AK4: variants seen among roughly 807,000 people sequenced by gnomAD.
AK4 encodes adenylate kinase 4, mitochondrial.
A neutral mutation model predicts 24.6 loss-of-function variants in AK4; 13 were observed. That is an observed-to-expected ratio of 0.53 (90% CI 0.34 to 0.84). The LOEUF is 0.84. AK4 is among the 40% of genes least tolerant of loss of function. The pLI is 0.01. For synonymous variants in AK4, 88 were observed against 107.0 expected (o/e 0.82, Z 1.10); for missense variants, 192 against 288.2 (o/e 0.67, Z 2.42).
At chr1:65,196,909 G>A (rs1400100297) in intron 2 of AK4, among the ~76,000 whole-genome samples, 3 of 152,170 alleles carry the variant, frequency 2.0e-5, no homozygotes, top group South Asian at 2.1e-4. Flanking sequence ...CCTCACAATC[G>A]TGGCAGAAGG....
intron 2 of AK4, among the ~76,000 whole-genome samples, chr1:65,206,577 G>A (rs890348614): frequency 4.6e-5 from 7 of 152,334 alleles, no homozygotes; most frequent in African/African-American, 1.7e-4. Context: ...GCGTGTGCGT[G>A]TGTGCACGTG....
At chr1:65,162,896 A>G (rs1469346585) in intron 1 of AK4, among the ~76,000 whole-genome samples, 1 of 152,154 alleles carries the variant, frequency 6.6e-6, no homozygotes, top group African/African-American at 2.4e-5. Flanking sequence ...ATGTTAATAT[A>G]TGTGACTTTT....
chr1:65,153,514 G>C (rs537926089), intron 1 of AK4, among the ~76,000 whole-genome samples: 76 of 152,176 alleles, frequency 5.0e-4, no homozygotes, highest in African/African-American at 1.7e-3. Context: ...CAGGCAGTCT[G>C]CCCGCCTCGG....
chr1:65,216,258 T>TA (rs1652127472), intron 2 of AK4, among the ~76,000 whole-genome samples: 1 of 151,878 alleles, frequency 6.6e-6, no homozygotes, highest in African/African-American at 2.4e-5. Flanking sequence ...TCAGCCTCCC[T>TA]AGTGGCTGGG....
intron 1 of AK4, among the ~76,000 whole-genome samples, chr1:65,189,868 C>T (rs1651235983): frequency 6.6e-6 from 1 of 152,218 alleles, no homozygotes; most frequent in African/African-American, 2.4e-5. Context: ...CCACTAACAA[C>T]ACTCAGCTGC....
intron 1 of AK4, among the ~76,000 whole-genome samples, chr1:65,187,319 G>C (rs1651132907): frequency 6.8e-6 from 1 of 146,602 alleles, no homozygotes; most frequent in East Asian, 2.0e-4. Flanking sequence ...CTGCACTCCA[G>C]CGTGGGTGAC....
intron 2 of AK4, among the ~76,000 whole-genome samples, chr1:65,191,547 T>C (rs926707422): frequency 6.9e-6 from 1 of 145,016 alleles, no homozygotes; most frequent in Non-Finnish European, 1.5e-5. Flanking sequence ...GGAAGGTAGG[T>C]TTTTTTTTTT....
At chr1:65,152,559 C>T (rs371034459) in intron 1 of AK4, among the ~76,000 whole-genome samples, 43 of 151,326 alleles carry the variant, frequency 2.8e-4, no homozygotes, top group African/African-American at 9.7e-4. Context: ...CACACCACCA[C>T]GTGTGGCTAT....
At chr1:65,162,859 A>G (rs990593717) in intron 1 of AK4, among the ~76,000 whole-genome samples, 20 of 152,102 alleles carry the variant, frequency 1.3e-4, no homozygotes, top group African/African-American at 4.3e-4. Context: ...TTCTGTTTGT[A>G]TGGATTTGCC....
intron 1 of AK4, among the ~76,000 whole-genome samples, chr1:65,163,889 T>C (rs1650249194): frequency 6.6e-6 from 1 of 152,058 alleles, no homozygotes; most frequent in Admixed American, 6.6e-5. Context: ...GTTTTCTTGC[T>C]GTCTTCTGTC....
intron 2 of AK4, among the ~76,000 whole-genome samples, chr1:65,215,894 G>A (rs1191332695): frequency 2.0e-5 from 3 of 152,042 alleles, no homozygotes; most frequent in Admixed American, 6.6e-5. Flanking sequence ...CTTTTCTAGT[G>A]CTTCCCCCGC....
intron 1 of AK4, among the ~76,000 whole-genome samples, chr1:65,174,008 C>G (rs1213426415): frequency 6.6e-6 from 1 of 152,196 alleles, no homozygotes; most frequent in African/African-American, 2.4e-5. Flanking sequence ...CACACCCCTT[C>G]AGCCACTGCC....
intron 1 of AK4, among the ~76,000 whole-genome samples, chr1:65,184,618 A>G (rs1356842989): frequency 6.6e-6 from 1 of 152,224 alleles, no homozygotes; most frequent in Non-Finnish European, 1.5e-5. Flanking sequence ...TCTTTGGAAT[A>G]CTGCTTCAGA....
chr1:65,229,769 GC>G lies in AK4; in HGVS notation c.*3596del, dbSNP rs1652578638. 6.6e-6 allele frequency: 1 copy of G among 152,146 alleles called. No homozygotes were observed. The highest frequency in any genetic ancestry group is 6.6e-5 in the Admixed American group (1 of 15,264). The allele number at this position is 152,146 out of a possible 1,614,324, so 9.4% of individuals were successfully genotyped here. A position where few individuals can be genotyped will look rare whatever the true frequency, so the allele number is the denominator to read the frequency against. The stretch of plus-strand genomic sequence containing the variant: ...ATCCTTTTGGTGTCCATTGGATTGT[GC>G]CCCGAAGTGGCCTTTACCCTTGAGC... On this transcript the variant is annotated 3_prime_UTR_variant, in exon 5 of 5. Coordinates refer to ENST00000327299, the MANE Select transcript of AK4 (RefSeq NM_013410.4).
At position 65,224,862 on chromosome 1, in the gene AK4, A is replaced by T; in HGVS notation, c.549A>T (p.Glu183Asp). The change falls in exon 4 of 5, where the codon GAA becomes GAT. Residue 183 changes from glutamate (E) to aspartate (D), a missense_variant. Coordinates refer to ENST00000327299, the MANE Select transcript of AK4 (RefSeq NM_013410.4). ...QYKDVAKPVI[E>D]LYKSRGVLHQ... ...AAGACGTGGCAAAGCCAGTCATTGA[A>T]TTATACAAGTGAGTGTGCTTCAATA... The T allele has an allele frequency of 6.2e-7, 1 of 1,612,150 alleles. No homozygotes were observed. Among genetic ancestry groups the T allele is most frequent in the African/African-American group, 1.3e-5 (1 of 75,000 alleles).
At chr1:65,221,873 G>A (rs1889925) in intron 3 of AK4, among the ~76,000 whole-genome samples, 42,406 of 152,074 alleles carry the variant, frequency 0.28, 6,787 homozygotes, top group East Asian at 0.69. Context: ...AGCTCTACCA[G>A]CTGTGGTGAA....
At chr1:65,184,370 G>T in intron 1 of AK4, among the ~76,000 whole-genome samples, 2 of 152,052 alleles carry the variant, frequency 1.3e-5, no homozygotes, top group Middle Eastern at 6.8e-3. Context: ...TTTATATGTC[G>T]CCTTAATCAT....
At chr1:65,157,350 A>C (rs1469931166) in intron 1 of AK4, among the ~76,000 whole-genome samples, 6 of 152,170 alleles carry the variant, frequency 3.9e-5, no homozygotes, top group Admixed American at 2.6e-4. Context: ...GTCCTGGTAA[A>C]TGTGTCTTTC....
At chr1:65,208,225 G>A (rs542595054) in intron 2 of AK4, among the ~76,000 whole-genome samples, 8 of 152,184 alleles carry the variant, frequency 5.3e-5, no homozygotes, top group Non-Finnish European at 1.2e-4. Context: ...TAGTAGGACA[G>A]CTGCTGCTTC....
Sources: allele counts gnomAD v4.1 joint callset (sites outside exome capture counted in the v4.1 genomes callset), GRCh38; gene constraint gnomAD v4.1.1; transcripts MANE v1.5; gene names NCBI Gene and HGNC (gene_info 2026-07-23, HGNC 2026-07-21).